KIF15: variants seen among roughly 807,000 people sequenced by gnomAD.
KIF15 encodes kinesin family member 15.
Under a neutral mutation model 190.6 loss-of-function variants are expected in KIF15, and 140 were observed. The ratio of observed to expected loss-of-function variants is 0.73; its 90% confidence interval spans 0.64 to 0.84. The LOEUF (loss-of-function observed/expected upper bound fraction) is 0.84, where lower values mean the gene tolerates loss of function less well. Ranked by LOEUF, KIF15 falls within the 40% of genes least tolerant of loss-of-function variation. KIF15 has a pLI of 0.00. For missense variants in KIF15, 1,372 were observed against 1,584.4 expected, an observed-to-expected ratio of 0.87 and a Z score of 2.28; for synonymous variants, 528 against 551.3, an observed-to-expected ratio of 0.96 and a Z score of 0.59.
intron 20 of KIF15, 40 bp downstream of exon 20, chr3:44,815,116 C>T: frequency 1.4e-6 from 2 of 1,477,890 alleles, no homozygotes; most frequent in Non-Finnish European, 1.8e-6. Flanking sequence ...GCCTGATTGG[C>T]TGTAACCTAC....
chr3:44,860,619 C>T (rs984615535), intron 6 of KIF15, among the ~76,000 whole-genome samples: 3 of 152,170 alleles, frequency 2.0e-5, no homozygotes, highest in African/African-American at 7.2e-5. Flanking sequence ...AATCCACCCA[C>T]CTTTGGCCTC....
chr3:44,761,852 G>GTGTTTTC lies in KIF15; in HGVS notation c.-14_-13insTGTTTTC. The GTGTTTTC allele has an allele frequency of 6.2e-7, 1 of 1,614,204 alleles. No individual in the cohort carries two copies. On this transcript the variant is annotated 5_prime_UTR_variant, in exon 1 of 35. Transcript: ENST00000326047. Reference sequence around the variant, plus strand: ...CCGGCTGCATTGTTTTCGGGATCGAGGGGTGAGGGCGCTATGGCACCCGGC... The same window carrying GTGTTTTC: ...CCGGCTGCATTGTTTTCGGGATCGAGTGTTTTCGGGTGAGGGCGCTATGGCACCCGGC...
intron 6 of KIF15, among the ~76,000 whole-genome samples, chr3:44,861,235 CCCG>C (rs1699240394): frequency 6.6e-6 from 1 of 152,242 alleles, no homozygotes; most frequent in Non-Finnish European, 1.5e-5. Context: ...AGGTGATCCA[CCCG>C]CCTCGGCCTC....
At chr3:44,830,813 T>G in intron 25 of KIF15, 83 bp from the exon 26 acceptor site, 1 of 1,407,334 alleles carries the variant, frequency 7.1e-7, no homozygotes, top group Non-Finnish European at 9.7e-7. Flanking sequence ...TGTCATCACC[T>G]TGGAACCCAG....
chr3:44,830,083 C>T lies in KIF15; in HGVS notation c.3048+8C>T, dbSNP rs757606881. The T allele has an allele frequency of 1.3e-5, 20 of 1,484,442 alleles. No individual in the cohort carries two copies. The highest frequency in any genetic ancestry group is 4.8e-5 in the East Asian group (2 of 41,304). 92.0% of individuals were successfully genotyped at this position (1,484,442 alleles called of 1,614,324 possible). A position where few individuals can be genotyped will look rare whatever the true frequency, so the allele number is the denominator to read the frequency against. On this transcript the variant is annotated splice_region_variant and intron_variant, in intron 25 of 34. Transcript: ENST00000326047. Reference sequence around the variant, plus strand: ...GAACTGAAGGACATAAATGTAAGTTCGGTCACCAACAAGATGTTAAATTTG... The same window carrying T: ...GAACTGAAGGACATAAATGTAAGTTTGGTCACCAACAAGATGTTAAATTTG...
At chr3:44,838,974 G>A (rs1698462008) in intron 27 of KIF15, among the ~76,000 whole-genome samples, 1 of 152,142 alleles carries the variant, frequency 6.6e-6, no homozygotes, top group African/African-American at 2.4e-5. Context: ...CATATTTTTG[G>A]TGGTTGTTGT....
chr3:44,863,394 ATCTTC>A (rs1699285219), intron 6 of KIF15: 1 of 147,014 alleles, frequency 6.8e-6, no homozygotes, highest in Admixed American at 7.1e-5. Flanking sequence ...GCTTCTAAAG[ATCTTC>A]TCTTCTCTTG....
At chr3:44,801,302 G>A (rs1057223462) in intron 11 of KIF15, 148 bp from the exon 12 acceptor site, 1 of 485,902 alleles carries the variant, frequency 2.1e-6, no homozygotes, top group African/African-American at 2.0e-5. Flanking sequence ...AAAGTGCTGG[G>A]ATTACAGGCA....
chr3:44,788,692 G>A (rs1268588302), intron 7 of KIF15, among the ~76,000 whole-genome samples: 1 of 152,120 alleles, frequency 6.6e-6, no homozygotes, highest in Non-Finnish European at 1.5e-5. Flanking sequence ...CTGGGCTCAA[G>A]CATTTCACCT....
intron 26 of KIF15, among the ~76,000 whole-genome samples, chr3:44,831,554 G>A (rs2125700479): frequency 6.6e-6 from 1 of 152,276 alleles, no homozygotes; most frequent in Admixed American, 6.5e-5. Flanking sequence ...GCTGATTTCA[G>A]GGTTGTCTTT....
chr3:44,797,929 T>C lies in KIF15; in HGVS notation c.1071T>C (p.Ala357=), dbSNP rs1366015501. 18 of 1,613,372 alleles carry C rather than the reference T, an allele frequency of 1.1e-5. No homozygotes were observed. The Admixed American group carries it at 2.8e-4, about 25-fold the overall frequency. Residue 357 remains alanine, a synonymous_variant, in exon 10 of 35, where the codon GCT becomes GCC. Coordinates refer to ENST00000326047, the MANE Select transcript of KIF15 (RefSeq NM_020242.3). ...FGETLSTLNF[A]QRAKLIKNKA... is the part of the protein sequence containing the mutation. ...AAACCCTATCAACACTTAACTTTGC[T>C]CAAAGAGCCAAGCTGATTAAAAACA... is the stretch of plus-strand genomic sequence containing the variant.
chr3:44,801,410 ATTTT>A, intron 11 of KIF15, 36 bp from the exon 12 acceptor site: 1 of 1,228,752 alleles, frequency 8.1e-7, no homozygotes, highest in Non-Finnish European at 1.2e-6. Flanking sequence ...TGTGATAAAT[ATTTT>A]TTTTCATCTT....
chr3:44,795,517 C>T (rs56278439), intron 8 of KIF15, among the ~76,000 whole-genome samples: 165 of 152,242 alleles, frequency 1.1e-3, no homozygotes, highest in African/African-American at 3.7e-3. Flanking sequence ...ACTTAGTCAT[C>T]TGACCCACTG....
chr3:44,840,684 T>TC (rs1491383178), intron 28 of KIF15, among the ~76,000 whole-genome samples: 15 of 117,022 alleles, frequency 1.3e-4, no homozygotes, highest in African/African-American at 3.9e-4. Flanking sequence ...TTTTTTTTTT[T>TC]GGCAGATGGA....
At chr3:44,814,165 C>A (rs948617761) in intron 19 of KIF15, among the ~76,000 whole-genome samples, 5 of 152,134 alleles carry the variant, frequency 3.3e-5, no homozygotes, top group Non-Finnish European at 5.9e-5. Flanking sequence ...ATACTATTTG[C>A]AGTTGTAGTT....
chr3:44,858,442 G>A (rs545905291), intron 6 of KIF15, among the ~76,000 whole-genome samples: 4 of 152,262 alleles, frequency 2.6e-5, no homozygotes, highest in African/African-American at 9.6e-5. Flanking sequence ...GCAGGGTAAG[G>A]GTGATTAGGT....
intron 23 of KIF15, among the ~76,000 whole-genome samples, chr3:44,827,736 G>A (rs1441951277): frequency 2.6e-5 from 4 of 152,078 alleles, no homozygotes; most frequent in Non-Finnish European, 5.9e-5. Flanking sequence ...AGGCTGCAGT[G>A]CAGTGGCGCA....
Position 44,775,323 on chromosome 3 carries a change from T to G in KIF15, c.132T>G (p.Asp44Glu), listed in dbSNP as rs773190393. 1 of 1,614,134 alleles carries G rather than the reference T, an allele frequency of 6.2e-7. No individual in the cohort carries two copies. The highest frequency in any genetic ancestry group is 1.1e-5 in the South Asian group (1 of 91,086). ...CTGCAGAAAGATCTGGGTCAGCTGA[T>G]GGAGAGCAGAACTTATGCTTATCTG... ...RPPAERSGSA[D>E]GEQNLCLSVL... The change falls in exon 3 of 35, where the codon GAT (aspartate) becomes GAG (glutamate). Residue 44 changes from aspartate to glutamate, a missense_variant. Physicochemically the swap from Asp to Glu is conservative, Grantham distance 45. Coordinates refer to ENST00000326047, the MANE Select transcript of KIF15 (RefSeq NM_020242.3).
At chr3:44,805,720 G>GCA (rs1313296452) in intron 15 of KIF15, 125 bp from the exon 16 acceptor site, 2 of 907,574 alleles carry the variant, frequency 2.2e-6, no homozygotes, top group Non-Finnish European at 3.4e-6. Flanking sequence ...TAATCTGAGA[G>GCA]AATAGAGAAT....
Sources: allele counts gnomAD v4.1 joint callset (sites outside exome capture counted in the v4.1 genomes callset), GRCh38; gene constraint gnomAD v4.1.1; transcripts MANE v1.5; gene names NCBI Gene and HGNC (gene_info 2026-07-23, HGNC 2026-07-21).